The following SHOC2 variants were observed in gnomAD, a reference collection of about 807,000 sequenced individuals.
The protein encoded by SHOC2 is SHOC2 leucine rich repeat scaffold protein, also known as leucine-rich repeat protein SHOC-2.
SHOC2 carries 4 observed loss-of-function variants against 50.2 expected under a neutral mutation model. The observed-to-expected ratio is 0.08, with a 90% confidence interval of 0.04 to 0.18. The LOEUF (loss-of-function observed/expected upper bound fraction) is 0.18, where lower values mean the gene tolerates loss of function less well. Among genes scored for constraint, SHOC2 ranks in the 10% least tolerant of loss-of-function variants. The pLI is 1.00. For missense variants in SHOC2, 388 were observed against 669.6 expected, an observed-to-expected ratio of 0.58 and a Z score of 4.64; for synonymous variants, 218 against 244.5, an observed-to-expected ratio of 0.89 and a Z score of 1.01.
intron 1 of SHOC2, among the ~76,000 whole-genome samples, chr10:110,961,277 T>G (rs915598611): frequency 6.6e-6 from 1 of 152,128 alleles, no homozygotes; most frequent in Non-Finnish European, 1.5e-5. Flanking sequence ...CATAGTGGAG[T>G]TGAAGTGATT....
At chr10:110,982,074 C>T (rs1421040333) in intron 2 of SHOC2, among the ~76,000 whole-genome samples, 1 of 139,578 alleles carries the variant, frequency 7.2e-6, no homozygotes, top group African/African-American at 2.7e-5. Flanking sequence ...TCTCATTGTT[C>T]AGTTCCCACC....
At chr10:110,959,457 G>C in intron 1 of SHOC2, among the ~76,000 whole-genome samples, 1 of 152,182 alleles carries the variant, frequency 6.6e-6, no homozygotes, top group East Asian at 1.9e-4. Context: ...TTAAATGCCA[G>C]TAGCATTTCT....
chr10:110,981,188 G>GC (rs1847969757), intron 2 of SHOC2, among the ~76,000 whole-genome samples: 1 of 152,222 alleles, frequency 6.6e-6, no homozygotes, highest in South Asian at 2.1e-4. Context: ...CCTATTTGGA[G>GC]CAGAGACTCT....
intron 1 of SHOC2, among the ~76,000 whole-genome samples, chr10:110,957,979 C>A (rs1847498351): frequency 6.6e-6 from 1 of 152,096 alleles, no homozygotes; most frequent in Non-Finnish European, 1.5e-5. Flanking sequence ...CTCTCTTATT[C>A]CTCCTCCCTT....
At chr10:110,961,255 C>T (rs900182199) in intron 1 of SHOC2, among the ~76,000 whole-genome samples, 4 of 152,112 alleles carry the variant, frequency 2.6e-5, no homozygotes, top group Admixed American at 1.3e-4. Flanking sequence ...CAAATATAGC[C>T]TTCCCCCAAA....
At chr10:110,937,165 C>CA in intron 1 of SHOC2, 1 of 1,546,240 alleles carries the variant, frequency 6.5e-7, no homozygotes, top group Non-Finnish European at 8.9e-7. Context: ...CCTGTTTAGC[C>CA]ACGATGGTCG....
At chr10:110,940,700 T>G (rs1847119592) in intron 1 of SHOC2, among the ~76,000 whole-genome samples, 1 of 152,202 alleles carries the variant, frequency 6.6e-6, no homozygotes, top group African/African-American at 2.4e-5. Flanking sequence ...TCTTAGTTAT[T>G]TAATGGTTTT....
intron 5 of SHOC2, 88 bp from the exon 6 acceptor site, chr10:111,007,439 TTTAA>T: frequency 1.4e-6 from 2 of 1,397,166 alleles, no homozygotes. Flanking sequence ...TAAGATTTTG[TTTAA>T]TTAAGAATTC....
chr10:110,999,736 C>CAAAAAAAA (rs145780250), intron 3 of SHOC2, among the ~76,000 whole-genome samples: 16 of 81,662 alleles, frequency 2.0e-4, no homozygotes, highest in African/African-American at 7.4e-4. Flanking sequence ...GACTCAGTCT[C>CAAAAAAAA]AAAAAAAAAA....
intron 3 of SHOC2, among the ~76,000 whole-genome samples, chr10:110,999,736 C>CAAAAAAAAAAAAAAAAAAAAAAAA (rs145780250): frequency 1.2e-5 from 1 of 81,688 alleles, no homozygotes; most frequent in Admixed American, 1.3e-4. Context: ...GACTCAGTCT[C>CAAAAAAAAAAAAAAAAAAAAAAAA]AAAAAAAAAA....
intron 1 of SHOC2, among the ~76,000 whole-genome samples, chr10:110,934,473 A>G (rs1846963928): frequency 6.6e-6 from 1 of 152,224 alleles, no homozygotes; most frequent in Non-Finnish European, 1.5e-5. Context: ...TATAATTTAT[A>G]TACATAAAGT....
At chr10:110,957,069 A>T (rs1330568684) in intron 1 of SHOC2, among the ~76,000 whole-genome samples, 1 of 152,190 alleles carries the variant, frequency 6.6e-6, no homozygotes, top group East Asian at 1.9e-4. Context: ...AACTTAATAG[A>T]TATTTTCTTC....
chr10:111,001,760 G>A (rs557372642), intron 4 of SHOC2, among the ~76,000 whole-genome samples: 23 of 152,264 alleles, frequency 1.5e-4, no homozygotes, highest in African/African-American at 5.1e-4. Context: ...AAGGTCAGGC[G>A]CTGTAGCTCA....
At chr10:111,010,811 A>G (rs1370197393) in intron 8 of SHOC2, among the ~76,000 whole-genome samples, 1 of 152,250 alleles carries the variant, frequency 6.6e-6, no homozygotes, top group Non-Finnish European at 1.5e-5. Flanking sequence ...TAAAGATGAT[A>G]ATAGGAAGTT....
intron 1 of SHOC2, among the ~76,000 whole-genome samples, chr10:110,960,306 A>G (rs1325464998): frequency 1.3e-5 from 2 of 152,262 alleles, no homozygotes; most frequent in African/African-American, 4.8e-5. Context: ...CAAAGCCTCA[A>G]TATTTAAAAT....
chr10:110,967,518 T>C (rs907988875), intron 2 of SHOC2, among the ~76,000 whole-genome samples: 1 of 152,144 alleles, frequency 6.6e-6, no homozygotes, highest in African/African-American at 2.4e-5. Context: ...AAATAAACAA[T>C]TCAGTGGTTT....
At chr10:110,937,960 G>A (rs561957861) in intron 1 of SHOC2, among the ~76,000 whole-genome samples, 2 of 152,170 alleles carry the variant, frequency 1.3e-5, no homozygotes, top group Non-Finnish European at 2.9e-5. Flanking sequence ...GTTTTCCTTA[G>A]ATGGTGATTC....
At chr10:110,965,244 T>C (rs958963044) in intron 2 of SHOC2, among the ~76,000 whole-genome samples, 183 bp downstream of exon 2, 1 of 152,190 alleles carries the variant, frequency 6.6e-6, no homozygotes, top group Admixed American at 6.5e-5. Context: ...TGAAATTGTT[T>C]CATAGACTTA....
intron 1 of SHOC2, among the ~76,000 whole-genome samples, chr10:110,941,081 G>T (rs1847134764): frequency 6.6e-6 from 1 of 151,728 alleles, no homozygotes; most frequent in South Asian, 2.1e-4. Flanking sequence ...ACAGGTACAT[G>T]CCACCATACC....
Sources: allele counts gnomAD v4.1 joint callset (sites outside exome capture counted in the v4.1 genomes callset), GRCh38; gene constraint gnomAD v4.1.1; transcripts MANE v1.5; gene names NCBI Gene and HGNC (gene_info 2026-07-23, HGNC 2026-07-21).